PRKG1: variants seen among roughly 807,000 people sequenced by gnomAD.
PRKG1 encodes the protein protein kinase cGMP-dependent 1.
A neutral mutation model predicts 88.1 loss-of-function variants in PRKG1; 35 were observed. The ratio of observed to expected loss-of-function variants is 0.40; its 90% CI spans 0.30 to 0.53. The LOEUF (loss-of-function observed/expected upper bound fraction) is 0.53, where lower values mean the gene tolerates loss of function less well. Ranked by LOEUF, PRKG1 falls within the 20% of genes least tolerant of loss-of-function variation. The probability of loss-of-function intolerance (pLI) is 0.59; values close to 1 mark genes in which losing one functional copy is unlikely to be tolerated. For synonymous variants in PRKG1, 303 were observed against 292.5 expected, an observed-to-expected ratio of 1.04 and a Z score of -0.37; for missense variants, 540 against 839.8, an observed-to-expected ratio of 0.64 and a Z score of 4.41.
chr10:52,227,617 C>A (rs1840420595), intron 9 of PRKG1, among the ~76,000 whole-genome samples: 1 of 152,052 alleles, frequency 6.6e-6, no homozygotes, highest in Non-Finnish European at 1.5e-5. Context: ...CACAGGAGAT[C>A]CTGGAACTAG....
chr10:51,390,531 C>T (rs928995610), intron 2 of PRKG1, among the ~76,000 whole-genome samples: 6 of 152,190 alleles, frequency 3.9e-5, no homozygotes, highest in African/African-American at 7.2e-5. Flanking sequence ...GAAGATAACA[C>T]GAGTTCATGT....
intron 8 of PRKG1, among the ~76,000 whole-genome samples, chr10:52,139,460 T>C (rs1837514988): frequency 6.6e-6 from 1 of 152,096 alleles, no homozygotes; most frequent in African/African-American, 2.4e-5. Context: ...TGAGTTTGTG[T>C]CTTCCTCCAT....
At chr10:51,767,529 G>A (rs1293548620) in intron 3 of PRKG1, among the ~76,000 whole-genome samples, 1 of 152,132 alleles carries the variant, frequency 6.6e-6, no homozygotes, top group Non-Finnish European at 1.5e-5. Context: ...TGGGGGAAAA[G>A]GTTTCAACTC....
At chr10:52,244,251 T>A (rs558280988) in intron 9 of PRKG1, among the ~76,000 whole-genome samples, 55 of 152,178 alleles carry the variant, frequency 3.6e-4, no homozygotes, top group African/African-American at 1.3e-3. Context: ...GAAAATTTTT[T>A]AATTTGAAAA....
intron 10 of PRKG1, among the ~76,000 whole-genome samples, chr10:52,266,624 T>C (rs1475821285): frequency 6.6e-6 from 1 of 152,038 alleles, no homozygotes; most frequent in Non-Finnish European, 1.5e-5. Context: ...TTGTTAGCAC[T>C]GAGGTGGGTT....
intron 2 of PRKG1, among the ~76,000 whole-genome samples, chr10:51,359,686 C>T (rs1805026401): frequency 6.6e-6 from 1 of 151,730 alleles, no homozygotes; most frequent in South Asian, 2.1e-4. Context: ...ACTTTCCTTG[C>T]TGTAAATAAT....
At chr10:52,041,619 G>A (rs997826155) in intron 5 of PRKG1, among the ~76,000 whole-genome samples, 22 of 152,132 alleles carry the variant, frequency 1.4e-4, no homozygotes, top group African/African-American at 4.6e-4. Flanking sequence ...TTTCTTAGAC[G>A]GGAGATTGGT....
intron 3 of PRKG1, among the ~76,000 whole-genome samples, chr10:51,497,458 A>G (rs61849793): frequency 0.049 from 7,496 of 152,308 alleles, 300 homozygotes; most frequent in Middle Eastern, 0.12. Flanking sequence ...AAAAAAGATT[A>G]ATGAAAAAAA....
chr10:52,176,353 T>C (rs1428142276), intron 9 of PRKG1, among the ~76,000 whole-genome samples: 1 of 151,912 alleles, frequency 6.6e-6, no homozygotes, highest in African/African-American at 2.4e-5. Flanking sequence ...TTGAGTTCTC[T>C]AGTCTGGTCT....
chr10:52,212,093 C>T (rs1316113270), intron 9 of PRKG1, among the ~76,000 whole-genome samples: 1 of 152,064 alleles, frequency 6.6e-6, no homozygotes, highest in East Asian at 1.9e-4. Flanking sequence ...GGGCACCCCC[C>T]AGAACTAGAA....
rs543569244 is a variant in PRKG1 at position 51,586,202 on chromosome 10, C to CAAGACAGG, written c.592+118369_592+118376dup. 2.4e-3 allele frequency among the ~76,000 whole-genome samples: 361 copies of CAAGACAGG among 152,180 alleles called. 2 individuals are homozygous for CAAGACAGG. Among genetic ancestry groups the CAAGACAGG allele is most frequent in the African/African-American group, 8.3e-3 (344 of 41,546 alleles). ...TTGGCATTGTGGAAGCCTTGAAATC[C>CAAGACAGG]AAGACAGGAAAACATTCATCTTTAA... On this transcript the variant is annotated intron_variant, in intron 3 of 17. Coordinates refer to ENST00000373980, the MANE Select transcript of PRKG1 (RefSeq NM_006258.4).
At chr10:52,132,078 C>T (rs12256196) in intron 7 of PRKG1, among the ~76,000 whole-genome samples, 50,461 of 151,694 alleles carry the variant, frequency 0.33, 8,713 homozygotes, top group African/African-American at 0.42. Context: ...TATAGGAATA[C>T]ATTTTTTAAA....
At chr10:51,727,287 T>A (rs562697810) in intron 3 of PRKG1, among the ~76,000 whole-genome samples, 105 of 147,434 alleles carry the variant, frequency 7.1e-4, no homozygotes, top group South Asian at 3.4e-3. Flanking sequence ...AAAAAAAAAA[T>A]ATATATATAT....
At chr10:51,081,177 G>T (rs1201710877) in intron 1 of PRKG1, among the ~76,000 whole-genome samples, 1 of 152,106 alleles carries the variant, frequency 6.6e-6, no homozygotes, top group African/African-American at 2.4e-5. Context: ...TCTAGAGGCT[G>T]CCTATATTTT....
chr10:51,799,062 A>G (rs183358462), intron 3 of PRKG1, among the ~76,000 whole-genome samples: 71 of 152,072 alleles, frequency 4.7e-4, no homozygotes, highest in African/African-American at 1.6e-3. Context: ...ACCCACCTGA[A>G]TAATTCCAAG....
intron 3 of PRKG1, among the ~76,000 whole-genome samples, chr10:51,619,996 T>G (rs1839165207): frequency 6.6e-6 from 1 of 152,162 alleles, no homozygotes; most frequent in African/African-American, 2.4e-5. Context: ...GCCATGATAA[T>G]TTGAATTCAT....
intron 2 of PRKG1, among the ~76,000 whole-genome samples, chr10:51,247,628 C>T (rs1839325044): frequency 6.6e-6 from 1 of 152,036 alleles, no homozygotes; most frequent in Admixed American, 6.6e-5. Flanking sequence ...TTCCCAAATC[C>T]TCAGGGGCCA....
chr10:51,912,639 T>C (rs920031263), intron 5 of PRKG1, among the ~76,000 whole-genome samples: 3 of 152,022 alleles, frequency 2.0e-5, no homozygotes, highest in African/African-American at 7.3e-5. Flanking sequence ...CATAATGATA[T>C]TGAAAGTGAT....
intron 2 of PRKG1, among the ~76,000 whole-genome samples, chr10:51,347,001 G>C (rs576766142): frequency 2.0e-5 from 3 of 152,232 alleles, no homozygotes; most frequent in African/African-American, 7.2e-5. Context: ...ATGTTGCCGA[G>C]GACCTGGGAT....
Sources: gnomAD v4.1 joint callset for allele counts (sites outside exome capture counted in the v4.1 genomes callset) on GRCh38, gnomAD v4.1.1 for gene constraint, MANE v1.5 for transcripts, NCBI Gene and HGNC (gene_info 2026-07-23, HGNC 2026-07-21) for gene names.